CPNE4: variants seen among roughly 807,000 people sequenced by gnomAD.
The protein encoded by CPNE4 is copine-4.
In CPNE4, 25 loss-of-function variants were observed where a neutral mutation model predicts 67.9. The ratio of observed to expected loss-of-function variants is 0.37; its 90% CI spans 0.27 to 0.51. The LOEUF is 0.51. CPNE4 is among the 20% of genes least tolerant of loss of function. CPNE4 has a pLI of 0.93. For missense variants in CPNE4, 464 were observed against 690.8 expected, an observed-to-expected ratio of 0.67 and a Z score of 3.68; for synonymous variants, 242 against 244.9, an observed-to-expected ratio of 0.99 and a Z score of 0.11.
At chr3:131,862,313 G>A (rs777142829) in intron 2 of CPNE4, among the ~76,000 whole-genome samples, 10 of 151,808 alleles carry the variant, frequency 6.6e-5, no homozygotes, top group Non-Finnish European at 1.0e-4. Context: ...CTTCTTCCTC[G>A]CCATGCATAT....
At chr3:131,717,852 CG>C (rs2081741291) in intron 3 of CPNE4, among the ~76,000 whole-genome samples, 3 of 15,558 alleles carry the variant, frequency 1.9e-4, no homozygotes, top group African/African-American at 5.2e-4. Flanking sequence ...CTTCCTTCCT[CG>C]CTCCCTCCTT....
Position 131,717,220 on chromosome 3 carries a change from TA to T in CPNE4, c.360+6225del, listed in dbSNP as rs200089327. 6.6e-3 allele frequency among the ~76,000 whole-genome samples: 986 copies of T among 149,570 alleles called. 12 individuals are homozygous for T. Among genetic ancestry groups the T allele is most frequent in the African/African-American group, 0.023 (911 of 40,398 alleles). Reference sequence around the variant, plus strand: ...CATTTGTCTGGCATATTACTCCATGTAAAAAACACTCAACAAAGGTTTTTTT... The same window carrying T: ...CATTTGTCTGGCATATTACTCCATGTAAAAACACTCAACAAAGGTTTTTTT... On this transcript the variant is annotated intron_variant, in intron 3 of 15. Transcript: ENST00000429747.
chr3:132,035,162 T>C (rs538816648), upstream of CPNE4: 6 of 580,168 alleles, frequency 1.0e-5, no homozygotes, highest in South Asian at 4.5e-4. Context: ...CTCTCCGTGG[T>C]CCTGCCGCGC....
chr3:131,975,652 G>A (rs1184843394), intron 1 of CPNE4, among the ~76,000 whole-genome samples: 3 of 152,172 alleles, frequency 2.0e-5, no homozygotes, highest in Non-Finnish European at 4.4e-5. Flanking sequence ...AATGAAAGGT[G>A]ACCCTGAAAA....
chr3:131,794,186 A>G (rs988932769), intron 2 of CPNE4, among the ~76,000 whole-genome samples: 9 of 152,004 alleles, frequency 5.9e-5, no homozygotes, highest in African/African-American at 2.2e-4. Flanking sequence ...ATCATCCTTC[A>G]GGGAACTTTC....
intron 7 of CPNE4, among the ~76,000 whole-genome samples, chr3:131,628,360 C>T (rs1186335740): frequency 6.6e-6 from 1 of 152,142 alleles, no homozygotes; most frequent in Non-Finnish European, 1.5e-5. Context: ...TACATGGTGG[C>T]AACAGAAGAA....
intron 1 of CPNE4, among the ~76,000 whole-genome samples, chr3:131,940,038 C>T (rs1306601848): frequency 6.6e-6 from 1 of 152,144 alleles, no homozygotes; most frequent in East Asian, 1.9e-4. Context: ...TTTTGTGTTA[C>T]CTGTTTGTGT....
chr3:131,651,878 T>A (rs1293579505), intron 7 of CPNE4, among the ~76,000 whole-genome samples: 2 of 152,152 alleles, frequency 1.3e-5, no homozygotes, highest in African/African-American at 4.8e-5. Flanking sequence ...GGTTCTCAGT[T>A]TTTTTCACTG....
At chr3:131,889,527 A>T (rs538579448) in intron 2 of CPNE4, among the ~76,000 whole-genome samples, 1 of 152,304 alleles carries the variant, frequency 6.6e-6, no homozygotes, top group African/African-American at 2.4e-5. Flanking sequence ...CACACTACAA[A>T]TAGTTAAGTT....
intron 2 of CPNE4, among the ~76,000 whole-genome samples, chr3:131,777,207 A>G (rs562732366): frequency 2.0e-5 from 3 of 152,168 alleles, no homozygotes; most frequent in African/African-American, 7.2e-5. Flanking sequence ...TTTCCCTTGT[A>G]TTGATTTGAA....
chr3:131,712,626 T>A (rs996201954), intron 3 of CPNE4, among the ~76,000 whole-genome samples: 3 of 152,228 alleles, frequency 2.0e-5, no homozygotes, highest in African/African-American at 7.2e-5. Flanking sequence ...TGGGGGTTAA[T>A]ATATTATTTC....
intron 2 of CPNE4, among the ~76,000 whole-genome samples, chr3:131,769,769 C>T (rs2083117344): frequency 6.6e-6 from 1 of 152,126 alleles, no homozygotes; most frequent in Non-Finnish European, 1.5e-5. Context: ...CTTCTTCCCT[C>T]CTTTATTTTG....
intron 15 of CPNE4, among the ~76,000 whole-genome samples, chr3:131,540,469 A>G (rs2107626473): frequency 6.6e-6 from 1 of 152,218 alleles, no homozygotes; most frequent in East Asian, 1.9e-4. Flanking sequence ...CAATTTCTGA[A>G]GAGCATATGC....
At chr3:131,743,658 A>G (rs187785574) in intron 2 of CPNE4, among the ~76,000 whole-genome samples, 5 of 152,352 alleles carry the variant, frequency 3.3e-5, no homozygotes, top group African/African-American at 1.2e-4. Context: ...AAACAGGGAA[A>G]CACATGATCA....
rs1250226567 is a variant in CPNE4, at chr3:131,533,980, T to C, written c.*1215A>G. The stretch of plus-strand genomic sequence containing the variant: ...CAATAATTCCAGGCATTTCTGCTTA[T>C]AGAATTTGTTCTCAGAAGTGATAGA... On this transcript the variant is annotated 3_prime_UTR_variant, in exon 16 of 16. Transcript: ENST00000429747. 1.1e-4 allele frequency: 17 copies of C among 152,194 alleles called. No homozygotes were observed. Among genetic ancestry groups the C allele is most frequent in the East Asian group, 1.9e-4 (1 of 5,194 alleles). The allele number at this position is 152,194 out of a possible 1,614,324, so 9.4% of individuals were successfully genotyped here. A position where few individuals can be genotyped will look rare whatever the true frequency, so the allele number is the denominator to read the frequency against.
intron 6 of CPNE4, among the ~76,000 whole-genome samples, chr3:131,671,513 C>G (rs1367844907): frequency 6.6e-6 from 1 of 151,332 alleles, no homozygotes; most frequent in Non-Finnish European, 1.5e-5. Context: ...CACAAGTGAG[C>G]AGTTTTGCCT....
At chr3:131,754,480 T>C (rs1310172754) in intron 2 of CPNE4, among the ~76,000 whole-genome samples, 1 of 152,114 alleles carries the variant, frequency 6.6e-6, no homozygotes, top group Non-Finnish European at 1.5e-5. Flanking sequence ...GAAAAACATT[T>C]AAAAGTTAAA....
chr3:131,652,287 T>A (rs572240220), intron 7 of CPNE4, among the ~76,000 whole-genome samples: 12 of 152,298 alleles, frequency 7.9e-5, no homozygotes, highest in Non-Finnish European at 1.8e-4. Context: ...TATCACCAAG[T>A]GACTTTCCTA....
intron 1 of CPNE4, among the ~76,000 whole-genome samples, chr3:131,948,864 A>G (rs1276533781): frequency 6.6e-6 from 1 of 152,212 alleles, no homozygotes; most frequent in Non-Finnish European, 1.5e-5. Context: ...CATGCAGGAA[A>G]AAAACACACA....
Sources: gnomAD v4.1 joint callset for allele counts (sites outside exome capture counted in the v4.1 genomes callset) on GRCh38, gnomAD v4.1.1 for gene constraint, MANE v1.5 for transcripts, NCBI Gene and HGNC (gene_info 2026-07-23, HGNC 2026-07-21) for gene names.